The following BICDL1 variants were observed in gnomAD, a reference collection of about 807,000 sequenced individuals.
BICDL1 encodes the protein BICD family like cargo adaptor 1, also known as BICD family-like cargo adapter 1.
In BICDL1, 20 loss-of-function variants were observed where a neutral mutation model predicts 76.8. The observed-to-expected ratio is 0.26, with a 90% CI of 0.18 to 0.38. BICDL1 has a LOEUF of 0.38. BICDL1 is among the 10% of genes least tolerant of loss of function. The probability of loss-of-function intolerance (pLI) is 1.00; values close to 1 mark genes in which losing one functional copy is unlikely to be tolerated. For synonymous variants in BICDL1, 383 were observed against 337.1 expected (o/e 1.14, Z -1.49); for missense variants, 700 against 798.6 (o/e 0.88, Z 1.49).
At chr12:119,993,557 C>T (rs570785956) in intron 1 of BICDL1, 3 of 151,650 alleles carry the variant, frequency 2.0e-5, no homozygotes, top group African/African-American at 4.8e-5. Context: ...CCATTTTTTC[C>T]GCTCTTGAAT....
At chr12:120,012,575 C>T (rs530642917) in intron 2 of BICDL1, among the ~76,000 whole-genome samples, 19 of 152,232 alleles carry the variant, frequency 1.2e-4, no homozygotes, top group African/African-American at 3.9e-4. Context: ...GCTCAGAGGG[C>T]GGGCAAGATG....
intron 2 of BICDL1, among the ~76,000 whole-genome samples, chr12:120,056,737 G>A (rs1245031788): frequency 6.6e-6 from 1 of 151,976 alleles, no homozygotes; most frequent in Non-Finnish European, 1.5e-5. Context: ...AAAAGTGAAA[G>A]AGAAAGAGTG....
At chr12:120,080,839 AAACCACCCAGGAC>A in intron 7 of BICDL1, 35 bp from the exon 8 acceptor site, 1 of 1,595,054 alleles carries the variant, frequency 6.3e-7, no homozygotes, top group South Asian at 1.1e-5. Context: ...CTTGGAGGGA[AAACCACCCAGGAC>A]AGCAGCAGTG....
chr12:120,092,851 G>T, intron 9 of BICDL1, 149 bp from the exon 10 acceptor site: 1 of 1,388,728 alleles, frequency 7.2e-7, no homozygotes. Context: ...CACGCTCACC[G>T]CTTTCTTGGT....
At chr12:119,999,727 T>C (rs1951723283) in intron 2 of BICDL1, 1 of 420,882 alleles carries the variant, frequency 2.4e-6, no homozygotes, top group Non-Finnish European at 4.6e-6. Context: ...AGGAATGTTA[T>C]TAATGCCCTG....
chr12:120,087,404 C>G (rs1388017711), intron 8 of BICDL1, among the ~76,000 whole-genome samples: 1 of 152,218 alleles, frequency 6.6e-6, no homozygotes, highest in African/African-American at 2.4e-5. Flanking sequence ...GACCTGAAGC[C>G]AAAGAAGAAG....
chr12:120,033,926 G>GA (rs1952482270), intron 2 of BICDL1, among the ~76,000 whole-genome samples: 1 of 152,128 alleles, frequency 6.6e-6, no homozygotes, highest in South Asian at 2.1e-4. Flanking sequence ...GGTGATGTGA[G>GA]ATCCCCCTTA....
chr12:120,093,241 C>T lies in BICDL1; in HGVS notation c.*80C>T. 6.7e-7 allele frequency: 1 copy of T among 1,486,284 alleles called. No individual in the cohort carries two copies. Among genetic ancestry groups the T allele is most frequent in the Non-Finnish European group, 9.1e-7 (1 of 1,094,690 alleles). 92.1% of individuals were successfully genotyped at this position (1,486,284 alleles called of 1,614,324 possible). ...GGTGCAGGCAAGGCCTCCCCTGCAG[C>T]TTGCACCTCAGCAGCTGCCCTGCCC... On this transcript the variant is annotated 3_prime_UTR_variant, in exon 10 of 10. Coordinates refer to ENST00000548673, the MANE Select transcript of BICDL1 (RefSeq NM_001367886.1).
At chr12:120,007,311 A>T (rs1004679077) in intron 2 of BICDL1, among the ~76,000 whole-genome samples, 1 of 152,170 alleles carries the variant, frequency 6.6e-6, no homozygotes, top group African/African-American at 2.4e-5. Flanking sequence ...TGTTGTATTG[A>T]GGTGAAATAC....
Position 120,073,459 on chromosome 12 carries a change from G to A in BICDL1, c.1308+730G>A, listed in dbSNP as rs113770353. Among the ~76,000 whole-genome samples, 152 of 152,266 alleles carry A rather than the reference G, an allele frequency of 1.0e-3. 1 individual carries two copies. The highest frequency in any genetic ancestry group is 3.4e-3 in the African/African-American group (143 of 41,544). ...CAAAAGTAAAAGATCTGAAGCTTCCGCCAAAAGAATGTAAGTGAGCACAGG... is the reference window on the plus strand; with the variant it reads ...CAAAAGTAAAAGATCTGAAGCTTCCACCAAAAGAATGTAAGTGAGCACAGG... On this transcript the variant is annotated intron_variant, in intron 6 of 9. Coordinates refer to ENST00000548673, the MANE Select transcript of BICDL1 (RefSeq NM_001367886.1).
intron 2 of BICDL1, among the ~76,000 whole-genome samples, chr12:120,009,256 G>A (rs1483443015): frequency 6.6e-6 from 1 of 152,158 alleles, no homozygotes; most frequent in East Asian, 1.9e-4. Context: ...AAAGTGCTGG[G>A]ATTACAGGCA....
intron 6 of BICDL1, among the ~76,000 whole-genome samples, chr12:120,073,111 T>C (rs540279331): frequency 2.0e-4 from 31 of 152,304 alleles, no homozygotes; most frequent in African/African-American, 6.7e-4. Flanking sequence ...TGACCTCAAG[T>C]GATACACCCA....
At chr12:120,017,712 A>G (rs1432302082) in intron 2 of BICDL1, among the ~76,000 whole-genome samples, 2 of 152,104 alleles carry the variant, frequency 1.3e-5, no homozygotes, top group Non-Finnish European at 1.5e-5. Context: ...AGCCTGGGTG[A>G]CACAGTGAGA....
Position 120,074,505 on chromosome 12 carries a change from G to C in BICDL1, c.1371G>C (p.Ser457=). 2 of 1,281,652 alleles carry C rather than the reference G, an allele frequency of 1.6e-6. No individual in the cohort carries two copies. Among genetic ancestry groups the C allele is most frequent in the Non-Finnish European group, 2.0e-6 (2 of 984,980 alleles). 79.4% of individuals were successfully genotyped at this position (1,281,652 alleles called of 1,614,324 possible). A position where few individuals can be genotyped will look rare whatever the true frequency, so the allele number is the denominator to read the frequency against. Residue 457 remains serine, a synonymous_variant, in exon 7 of 10, where the codon TCG becomes TCC. Transcript: ENST00000548673. ...AGATAAGGCAGACCAGTGAGGACTC[G>C]AGAGCCCTAAGGGAGCTCATGGAGG... ...EEQIRQTSED[S]RALRELMEGE...
intron 2 of BICDL1, among the ~76,000 whole-genome samples, chr12:120,036,883 AAAAC>A (rs1305010655): frequency 5.9e-5 from 9 of 152,220 alleles, no homozygotes; most frequent in Non-Finnish European, 1.0e-4. Context: ...CTCAAAAAAC[AAAAC>A]AAACAGACAA....
chr12:120,091,966 C>T, intron 9 of BICDL1: 3 of 985,362 alleles, frequency 3.0e-6, no homozygotes, highest in Non-Finnish European at 3.6e-6. Flanking sequence ...CAGGCTGACT[C>T]ACTCAGGGGT....
chr12:120,012,828 A>G (rs554958086), intron 2 of BICDL1, among the ~76,000 whole-genome samples: 1 of 152,282 alleles, frequency 6.6e-6, no homozygotes, highest in South Asian at 2.1e-4. Context: ...TTCTGCAGAA[A>G]TGGAACTAAC....
chr12:120,008,839 C>G (rs1951899493), intron 2 of BICDL1, among the ~76,000 whole-genome samples: 1 of 152,066 alleles, frequency 6.6e-6, no homozygotes, highest in Non-Finnish European at 1.5e-5. Context: ...TACATAGGAG[C>G]TCTCTTCTGT....
chr12:119,994,384 T>A (rs1397383018), intron 1 of BICDL1, among the ~76,000 whole-genome samples: 1 of 151,954 alleles, frequency 6.6e-6, no homozygotes, highest in Non-Finnish European at 1.5e-5. Flanking sequence ...ATATTGTCAG[T>A]TTTTTGGTTC....
Sources: allele counts gnomAD v4.1 joint callset (sites outside exome capture counted in the v4.1 genomes callset), GRCh38; gene constraint gnomAD v4.1.1; transcripts MANE v1.5; gene names NCBI Gene and HGNC (gene_info 2026-07-23, HGNC 2026-07-21).